PRKAR2B: variants seen among roughly 807,000 people sequenced by gnomAD.
PRKAR2B encodes the protein protein kinase cAMP-dependent type II regulatory subunit beta, also known as cAMP-dependent protein kinase type II-beta regulatory subunit.
In PRKAR2B, 14 loss-of-function variants were observed where a neutral mutation model predicts 49.9. The ratio of observed to expected loss-of-function variants is 0.28; its 90% CI spans 0.19 to 0.44. The LOEUF (loss-of-function observed/expected upper bound fraction) is 0.44, where lower values mean the gene tolerates loss of function less well. PRKAR2B is among the 20% of genes least tolerant of loss of function. The pLI, the probability that PRKAR2B is intolerant of heterozygous loss-of-function variation, is 1.00. For synonymous variants in PRKAR2B, 196 were observed against 197.7 expected (o/e 0.99, Z 0.07); for missense variants, 393 against 537.9 (o/e 0.73, Z 2.67).
chr7:107,138,419 A>AT (rs1453968096), intron 4 of PRKAR2B, among the ~76,000 whole-genome samples: 1 of 152,168 alleles, frequency 6.6e-6, no homozygotes, highest in Non-Finnish European at 1.5e-5. Flanking sequence ...ATTCTATTTT[A>AT]TTTTTTATTT....
intron 8 of PRKAR2B, among the ~76,000 whole-genome samples, chr7:107,156,375 C>T (rs1376617528): frequency 1.3e-5 from 2 of 151,934 alleles, no homozygotes; most frequent in African/African-American, 2.4e-5. Context: ...GAGGTGGAGG[C>T]TGCAGTGAGC....
At chr7:107,144,270 T>C (rs996516644) in intron 5 of PRKAR2B, among the ~76,000 whole-genome samples, 2 of 151,922 alleles carry the variant, frequency 1.3e-5, no homozygotes, top group African/African-American at 2.4e-5. Flanking sequence ...GTATTTTTAG[T>C]AGAGACGGGG....
chr7:107,088,798 C>G (rs1413069139), intron 2 of PRKAR2B, among the ~76,000 whole-genome samples: 1 of 152,068 alleles, frequency 6.6e-6, no homozygotes, highest in African/African-American at 2.4e-5. Context: ...CGTGGTTTTG[C>G]CATGTTGGCC....
chr7:107,115,868 A>G (rs1795263768), intron 2 of PRKAR2B, among the ~76,000 whole-genome samples: 1 of 152,222 alleles, frequency 6.6e-6, no homozygotes, highest in Non-Finnish European at 1.5e-5. Context: ...CCTTATTGGC[A>G]GAAGAGACAT....
At chr7:107,128,160 G>A (rs766788250) in intron 3 of PRKAR2B, 52 bp from the exon 4 acceptor site, 4 of 1,148,822 alleles carry the variant, frequency 3.5e-6, no homozygotes, top group Non-Finnish European at 5.2e-6. Flanking sequence ...ATCTCTTTGA[G>A]TGAGATGGTA....
intron 1 of PRKAR2B, among the ~76,000 whole-genome samples, chr7:107,047,862 C>T (rs1793728088): frequency 1.3e-5 from 2 of 152,138 alleles, no homozygotes; most frequent in African/African-American, 4.8e-5. Context: ...TCCTTTTCTT[C>T]CCCCTCAGTA....
chr7:107,093,964 A>G (rs1011145921), intron 2 of PRKAR2B, among the ~76,000 whole-genome samples: 3 of 152,174 alleles, frequency 2.0e-5, no homozygotes, highest in Non-Finnish European at 4.4e-5. Flanking sequence ...TAGTGCCGCA[A>G]TAAACATACG....
intron 4 of PRKAR2B, among the ~76,000 whole-genome samples, chr7:107,136,765 C>T (rs1795708682): frequency 6.6e-6 from 1 of 152,198 alleles, no homozygotes; most frequent in Admixed American, 6.5e-5. Flanking sequence ...TCTTTTACAA[C>T]TAAACATACT....
intron 2 of PRKAR2B, among the ~76,000 whole-genome samples, chr7:107,088,081 A>G (rs1794655288): frequency 6.6e-6 from 1 of 152,070 alleles, no homozygotes; most frequent in Non-Finnish European, 1.5e-5. Context: ...CAGCTTTTAG[A>G]TACTATTATT....
At chr7:107,086,415 T>C (rs529205048) in intron 2 of PRKAR2B, among the ~76,000 whole-genome samples, 3 of 152,178 alleles carry the variant, frequency 2.0e-5, no homozygotes, top group African/African-American at 7.2e-5. Context: ...TGAGAATATA[T>C]GCTTGCTAGT....
At chr7:107,118,176 A>G (rs1364081412) in intron 2 of PRKAR2B, among the ~76,000 whole-genome samples, 1 of 152,196 alleles carries the variant, frequency 6.6e-6, no homozygotes, top group Non-Finnish European at 1.5e-5. Context: ...TATTTGTTAC[A>G]GAAATATTTA....
chr7:107,076,032 T>C (rs1422632816), intron 2 of PRKAR2B, among the ~76,000 whole-genome samples: 2 of 152,142 alleles, frequency 1.3e-5, no homozygotes, highest in Non-Finnish European at 2.9e-5. Context: ...CCTAAGATAC[T>C]GTTTTGAAAA....
At chr7:107,091,397 C>G (rs1794730882) in intron 2 of PRKAR2B, among the ~76,000 whole-genome samples, 1 of 152,202 alleles carries the variant, frequency 6.6e-6, no homozygotes. Flanking sequence ...TATGATGACT[C>G]TCCTCCCAGA....
At chr7:107,083,503 G>A (rs1794555583) in intron 2 of PRKAR2B, among the ~76,000 whole-genome samples, 2 of 152,058 alleles carry the variant, frequency 1.3e-5, no homozygotes, top group South Asian at 2.1e-4. Context: ...TTTGAAGGGA[G>A]TTTTCTTATT....
Position 107,107,668 on chromosome 7 carries a change from G to GT in PRKAR2B, c.344-14276dup, listed in dbSNP as rs879939139. On this transcript the variant is annotated intron_variant, in intron 2 of 10. Transcript: ENST00000265717. Reference sequence around the variant, plus strand: ...GCAAGCAGAATATGACAAAAGAGGTGTTTTTTTTAAGACAGAGTCTCGCTC... The same window carrying GT: ...GCAAGCAGAATATGACAAAAGAGGTGTTTTTTTTTAAGACAGAGTCTCGCTC... 1.7e-4 allele frequency among the ~76,000 whole-genome samples: 26 copies of GT among 151,244 alleles called. No homozygotes were observed. In the East Asian group the frequency reaches 3.2e-3, roughly 19 times the overall value.
At chr7:107,093,889 AT>A (rs1037080522) in intron 2 of PRKAR2B, among the ~76,000 whole-genome samples, 7 of 152,064 alleles carry the variant, frequency 4.6e-5, no homozygotes, top group African/African-American at 1.7e-4. Context: ...TATGTGCCAC[AT>A]TTCCTTAATC....
chr7:107,149,292 C>CAAATTGGG (rs1795943497), intron 6 of PRKAR2B, among the ~76,000 whole-genome samples: 1 of 151,986 alleles, frequency 6.6e-6, no homozygotes, highest in Non-Finnish European at 1.5e-5. Flanking sequence ...CAGCCAATAC[C>CAAATTGGG]AAATTGGGAA....
chr7:107,080,197 A>T (rs920505913), intron 2 of PRKAR2B, among the ~76,000 whole-genome samples: 1 of 152,146 alleles, frequency 6.6e-6, no homozygotes, highest in African/African-American at 2.4e-5. Flanking sequence ...AGCACCATGG[A>T]GTGGTCCAGA....
chr7:107,134,984 C>T (rs968654236), intron 4 of PRKAR2B, among the ~76,000 whole-genome samples: 10 of 151,814 alleles, frequency 6.6e-5, no homozygotes, highest in African/African-American at 2.2e-4. Context: ...AATAGGACTT[C>T]ACACAGATGT....
Sources: allele counts gnomAD v4.1 joint callset (sites outside exome capture counted in the v4.1 genomes callset), GRCh38; gene constraint gnomAD v4.1.1; transcripts MANE v1.5; gene names NCBI Gene and HGNC (gene_info 2026-07-23, HGNC 2026-07-21).